Variants in RBM24 observed in about 807,000 individuals in gnomAD.
The protein encoded by RBM24 is RNA-binding protein 24.
RBM24 carries 5 observed loss-of-function variants against 23.6 expected under a neutral mutation model. The ratio of observed to expected loss-of-function variants is 0.21; its 90% CI spans 0.11 to 0.45. The LOEUF is 0.45. Ranked by LOEUF, RBM24 falls within the 20% of genes least tolerant of loss-of-function variation. The pLI is 0.99. For missense variants in RBM24, 252 were observed against 314.6 expected (o/e 0.80, Z 1.51); for synonymous variants, 151 against 129.5 (o/e 1.17, Z -1.13).
rs974944450 is a variant in RBM24, at chr6:17,283,170, C to G, written c.292+242C>G. Reference sequence around the variant, plus strand: ...GGGTCGTGCAGGAAGAAGAGTTAGTCATGTCTCACCTGTTTCCTATATGGC... The same window carrying G: ...GGGTCGTGCAGGAAGAAGAGTTAGTGATGTCTCACCTGTTTCCTATATGGC... On this transcript the variant is annotated intron_variant, in intron 2 of 3. Coordinates refer to ENST00000379052, the MANE Select transcript of RBM24 (RefSeq NM_001143942.2). 10 of 479,472 alleles carry G rather than the reference C, an allele frequency of 2.1e-5. No individual in the cohort carries two copies. The East Asian group carries it at 3.4e-4, about 16-fold the overall frequency. The allele number at this position is 479,472 out of a possible 1,614,324, so 29.7% of individuals were successfully genotyped here. A position where few individuals can be genotyped will look rare whatever the true frequency, so the allele number is the denominator to read the frequency against.
chr6:17,281,992 TGAAAG>T lies in RBM24; in HGVS notation c.168+246_168+250del. ...GGGGCCGGGCAGGGCAGAGCAGGGG[TGAAAG>T]GAGAGACCTGTAATGACGGCGGGAT... On this transcript the variant is annotated intron_variant, in intron 1 of 3. Transcript: ENST00000379052. This position sits in a 1 kb window ranked among gnomAD's most constrained non-coding sequence, Gnocchi z 7.1. 7.3e-7 allele frequency: 1 copy of T among 1,361,896 alleles called. No individual in the cohort carries two copies. The highest frequency in any genetic ancestry group is 9.5e-7 in the Non-Finnish European group (1 of 1,051,982). The allele number at this position is 1,361,896 out of a possible 1,614,324, so 84.4% of individuals were successfully genotyped here. A position where few individuals can be genotyped will look rare whatever the true frequency, so the allele number is the denominator to read the frequency against.
At position 17,284,679 on chromosome 6, in the gene RBM24, A is replaced by C. The variant is rs776528557; in HGVS notation, c.315A>C (p.Gln105His). ...MQPGFAFGVQ[Q>H]LHPALIQRPF... Reference sequence around the variant, plus strand: ...TAGGTTTTGCCTTTGGTGTTCAACAACTTCATCCAGCCCTTATACAAAGAC... The same window carrying C: ...TAGGTTTTGCCTTTGGTGTTCAACACCTTCATCCAGCCCTTATACAAAGAC... The change falls in exon 3 of 4, where the codon CAA (glutamine) becomes CAC (histidine). Residue 105 changes from glutamine to histidine, a missense_variant. Transcript: ENST00000379052. 5 of 1,612,116 alleles carry C rather than the reference A, an allele frequency of 3.1e-6. No individual in the cohort carries two copies. Among genetic ancestry groups the C allele is most frequent in the Non-Finnish European group, 4.2e-6 (5 of 1,179,210 alleles).
At chr6:17,289,397 T>G (rs1760289527) in intron 3 of RBM24, 1 of 985,434 alleles carries the variant, frequency 1.0e-6, no homozygotes, top group Non-Finnish European at 1.2e-6. Flanking sequence ...CTTTAACCTT[T>G]GCCAAACTTC....
intron 2 of RBM24, chr6:17,283,207 G>A: frequency 2.8e-6 from 1 of 360,554 alleles, no homozygotes; most frequent in Non-Finnish European, 5.2e-6. Context: ...TACATTTGTA[G>A]TCTGCTCTCA....
At chr6:17,283,975 A>ATTT (rs1381260131) in intron 2 of RBM24, among the ~76,000 whole-genome samples, 24 of 152,210 alleles carry the variant, frequency 1.6e-4, no homozygotes, top group Middle Eastern at 3.2e-3. Flanking sequence ...TTAAGCAAAT[A>ATTT]TAATATTTTC....
chr6:17,292,206 C>CT lies in RBM24; in HGVS notation c.*89dup. On this transcript the variant is annotated 3_prime_UTR_variant, in exon 4 of 4. Transcript: ENST00000379052. ...TAGCTAATAAGAGAGTTAACATTGA[C>CT]TTAACAGCTTTAAAAAAAAAAACAG... The CT allele has an allele frequency of 8.1e-7, 1 of 1,234,582 alleles. No individual in the cohort carries two copies. The highest frequency in any genetic ancestry group is 1.5e-5 in the African/African-American group (1 of 66,984). The allele number at this position is 1,234,582 out of a possible 1,614,324, so 76.5% of individuals were successfully genotyped here.
intron 3 of RBM24, chr6:17,289,237 A>T: frequency 1.0e-6 from 1 of 985,392 alleles, no homozygotes; most frequent in Non-Finnish European, 1.2e-6. Flanking sequence ...CTAATTCAGG[A>T]TTTCATTCCA....
At chr6:17,289,470 C>G (rs1760291098) in intron 3 of RBM24, 1 of 985,308 alleles carries the variant, frequency 1.0e-6, no homozygotes, top group African/African-American at 1.7e-5. Context: ...ATTGTGAAAT[C>G]AAAACTATTT....
rs574902358 is a variant in RBM24, at chr6:17,292,198, A to C, written c.*79A>C. 7.5e-7 allele frequency: 1 copy of C among 1,339,346 alleles called. No homozygotes were observed. The highest frequency in any genetic ancestry group is 1.4e-5 in the African/African-American group (1 of 69,264). The allele number at this position is 1,339,346 out of a possible 1,614,324, so 83.0% of individuals were successfully genotyped here. ...ATTTTTAGTAGCTAATAAGAGAGTT[A>C]ACATTGACTTAACAGCTTTAAAAAA... On this transcript the variant is annotated 3_prime_UTR_variant, in exon 4 of 4. Transcript: ENST00000379052.
At chr6:17,289,849 G>A (rs538542390) in intron 3 of RBM24, 5 of 1,143,264 alleles carry the variant, frequency 4.4e-6, no homozygotes, top group East Asian at 6.3e-5. Context: ...TCTCTTAGCC[G>A]TGTCTACACG....
At chr6:17,290,209 T>G (rs936943512) in intron 3 of RBM24, 72 of 715,466 alleles carry the variant, frequency 1.0e-4, no homozygotes, top group Non-Finnish European at 1.4e-4. Context: ...TTCTGAAAAA[T>G]CTACAAGTGC....
At chr6:17,282,324 A>G in intron 1 of RBM24, 3 of 1,117,538 alleles carry the variant, frequency 2.7e-6, no homozygotes, top group Non-Finnish European at 3.6e-6. Context: ...GCTGCCGAAG[A>G]GCAGGGAGCC....
intron 3 of RBM24, chr6:17,290,040 C>T (rs1760308722): frequency 7.8e-7 from 1 of 1,289,274 alleles, no homozygotes; most frequent in Non-Finnish European, 1.0e-6. Flanking sequence ...CGTCGTTTCT[C>T]CTGGCACTGG....
At chr6:17,290,983 T>A (rs1435026953) in intron 3 of RBM24, 29 of 792,442 alleles carry the variant, frequency 3.7e-5, no homozygotes, top group Non-Finnish European at 4.9e-5. Flanking sequence ...TCTTTGGGAA[T>A]CACTGCCATG....
At chr6:17,283,291 A>G (rs998810885) in intron 2 of RBM24, among the ~76,000 whole-genome samples, 8 of 152,192 alleles carry the variant, frequency 5.3e-5, no homozygotes, top group African/African-American at 1.7e-4. Flanking sequence ...ACTTCAGCTA[A>G]TATACTTCCC....
chr6:17,292,266 T>A lies in RBM24; in HGVS notation c.*147T>A, dbSNP rs577415043. 5.6e-5 allele frequency: 42 copies of A among 750,728 alleles called. No homozygotes were observed. Among genetic ancestry groups the A allele is most frequent in the Non-Finnish European group, 7.9e-5 (40 of 506,042 alleles). The allele number at this position is 750,728 out of a possible 1,614,324, so 46.5% of individuals were successfully genotyped here. A position where few individuals can be genotyped will look rare whatever the true frequency, so the allele number is the denominator to read the frequency against. On this transcript the variant is annotated 3_prime_UTR_variant, in exon 4 of 4. Coordinates refer to ENST00000379052, the MANE Select transcript of RBM24 (RefSeq NM_001143942.2). The stretch of plus-strand genomic sequence containing the variant: ...TGTGAAGCAGAGTTATTATTTTTTT[T>A]ATACTCCAGGTAGTGTTCTAGATGA...
In RBM24 at chr6:17,293,139, GAC is replaced by G. The variant is rs1760420182; in HGVS notation, c.*1022_*1023del. On this transcript the variant is annotated 3_prime_UTR_variant, in exon 4 of 4. Transcript: ENST00000379052. ...ATTTATTAGTGACTACAGTACATGA[GAC>G]AACAAGGTTACTGAGATTACAATTC... 4.6e-5 allele frequency: 7 copies of G among 152,564 alleles called. No individual in the cohort carries two copies. In the South Asian group the frequency reaches 1.5e-3, roughly 32 times the overall value. The allele number at this position is 152,564 out of a possible 1,614,324, so 9.5% of individuals were successfully genotyped here. A position where few individuals can be genotyped will look rare whatever the true frequency, so the allele number is the denominator to read the frequency against.
chr6:17,282,462 G>C (rs1760053931), intron 1 of RBM24: 1 of 477,802 alleles, frequency 2.1e-6, no homozygotes, highest in Non-Finnish European at 4.0e-6. Context: ...CTGGGGGGCG[G>C]GGGATTCGGG....
intron 1 of RBM24, chr6:17,282,044 G>A: frequency 7.8e-7 from 1 of 1,280,164 alleles, no homozygotes; most frequent in Middle Eastern, 3.2e-4. Flanking sequence ...AGGGTTGCGA[G>A]GGAGGGGCCG....
Sources: allele counts gnomAD v4.1 joint callset (sites outside exome capture counted in the v4.1 genomes callset), GRCh38; gene constraint gnomAD v4.1.1; non-coding constraint Gnocchi (gnomAD v3.1); transcripts MANE v1.5; gene names NCBI Gene and HGNC (gene_info 2026-07-23, HGNC 2026-07-21).